The following RXFP1 variants were observed in gnomAD, a reference collection of about 807,000 sequenced individuals.
RXFP1 encodes relaxin family peptide receptor 1.
Under a neutral mutation model 89.8 loss-of-function variants are expected in RXFP1, and 73 were observed. The observed-to-expected ratio is 0.81, with a 90% CI of 0.67 to 0.99. RXFP1 has a LOEUF of 0.99. RXFP1 is among the 50% of genes least tolerant of loss of function. The pLI, the probability that RXFP1 is intolerant of heterozygous loss-of-function variation, is 0.00. For synonymous variants in RXFP1, 277 were observed against 305.5 expected (o/e 0.91, Z 0.97); for missense variants, 793 against 895.5 (o/e 0.89, Z 1.46).
chr4:158,581,764 T>G (rs2150030629), intron 2 of RXFP1, among the ~76,000 whole-genome samples: 1 of 152,314 alleles, frequency 6.6e-6, no homozygotes, highest in South Asian at 2.1e-4. Context: ...GGATGTCTGT[T>G]TTGCCTTGTT....
intron 11 of RXFP1, 129 bp from the exon 12 acceptor site, chr4:158,633,276 A>T: frequency 1.7e-6 from 1 of 588,146 alleles, no homozygotes; most frequent in South Asian, 2.3e-5. Context: ...AAATTTTTAG[A>T]CTTCTGGTGA....
rs532791218 is a variant in RXFP1 at position 158,617,504 on chromosome 4, C to G, written c.755+299C>G. Reference sequence around the variant, plus strand: ...TGTCACCACATCTATGTAACATCTCCCCCTTTCCCTGCTGGTATACTCACC... The same window carrying G: ...TGTCACCACATCTATGTAACATCTCGCCCTTTCCCTGCTGGTATACTCACC... On this transcript the variant is annotated intron_variant, in intron 9 of 17. Coordinates refer to ENST00000307765, the MANE Select transcript of RXFP1 (RefSeq NM_021634.4). Among the ~76,000 whole-genome samples, 394 of 151,704 alleles carry G rather than the reference C, an allele frequency of 2.6e-3. 1 individual carries two copies. Among genetic ancestry groups the G allele is most frequent in the African/African-American group, 9.2e-3 (383 of 41,416 alleles).
Position 158,644,175 on chromosome 4 carries a change from T to C in RXFP1, c.1116-734T>C, listed in dbSNP as rs866344621. Among the ~76,000 whole-genome samples, 17 of 151,388 alleles carry C rather than the reference T, an allele frequency of 1.1e-4. 1 individual carries two copies. Among genetic ancestry groups the C allele is most frequent in the Admixed American group, 5.3e-4 (8 of 15,128 alleles). ...CATTCTCCTGCCTCAGCCTCCCGAG[T>C]AGCTGGGACTACAGGAGCCCGCCAC... is the stretch of plus-strand genomic sequence containing the variant. On this transcript the variant is annotated intron_variant, in intron 14 of 17. Coordinates refer to ENST00000307765, the MANE Select transcript of RXFP1 (RefSeq NM_021634.4).
chr4:158,524,770 C>T lies in RXFP1; in HGVS notation c.49+2745C>T, dbSNP rs561648156. On this transcript the variant is annotated intron_variant, in intron 1 of 17. Transcript: ENST00000307765. ...CGTGGTTAAAAAACAATCCCCAGGACAACTTGTATTATAAGTTCTTATCAG... is the reference window on the plus strand; with the variant it reads ...CGTGGTTAAAAAACAATCCCCAGGATAACTTGTATTATAAGTTCTTATCAG... Among the ~76,000 whole-genome samples the T allele has an allele frequency of 2.0e-5, 3 of 152,264 alleles. No individual in the cohort carries two copies. In the East Asian group the frequency reaches 5.8e-4, roughly 29 times the overall value.
intron 2 of RXFP1, among the ~76,000 whole-genome samples, chr4:158,581,369 C>T (rs1757326018): frequency 6.6e-6 from 1 of 152,116 alleles, no homozygotes; most frequent in South Asian, 2.1e-4. Context: ...ATACCAAATG[C>T]TTGGCTTGTT....
intron 1 of RXFP1, among the ~76,000 whole-genome samples, chr4:158,530,818 A>ACC (rs1743841455): frequency 6.6e-6 from 1 of 152,100 alleles, no homozygotes; most frequent in Admixed American, 6.6e-5. Context: ...TTCTTTGTTG[A>ACC]TATTTTCTCA....
At chr4:158,636,537 T>C (rs1387671120) in intron 12 of RXFP1, among the ~76,000 whole-genome samples, 1 of 152,198 alleles carries the variant, frequency 6.6e-6, no homozygotes, top group Non-Finnish European at 1.5e-5. Context: ...TACCACAAGC[T>C]GGGCACTGTT....
chr4:158,568,995 T>G (rs534700499), intron 1 of RXFP1, among the ~76,000 whole-genome samples: 10 of 152,336 alleles, frequency 6.6e-5, no homozygotes, highest in Non-Finnish European at 1.2e-4. Flanking sequence ...TTGGTAAGGA[T>G]AATGGGAGCA....
intron 1 of RXFP1, among the ~76,000 whole-genome samples, chr4:158,524,752 A>C (rs1262940627): frequency 6.6e-6 from 1 of 152,232 alleles, no homozygotes; most frequent in East Asian, 1.9e-4. Context: ...ATCCGTGGTT[A>C]AAAAACAATC....
chr4:158,635,162 C>T (rs1051996347), intron 12 of RXFP1, among the ~76,000 whole-genome samples: 1 of 152,082 alleles, frequency 6.6e-6, no homozygotes, highest in Non-Finnish European at 1.5e-5. Context: ...GTGAACATAG[C>T]ATGTCTTTCC....
chr4:158,528,810 G>A (rs1184473688), intron 1 of RXFP1, among the ~76,000 whole-genome samples: 1 of 152,214 alleles, frequency 6.6e-6, no homozygotes, highest in Non-Finnish European at 1.5e-5. Flanking sequence ...CACTTCTAGT[G>A]TCCAGAGAAA....
chr4:158,542,109 A>ATATATATATATATATTTTTTTTTT, intron 1 of RXFP1, among the ~76,000 whole-genome samples: 1 of 35,240 alleles, frequency 2.8e-5, no homozygotes, highest in African/African-American at 9.3e-5. Flanking sequence ...ATATATATAT[A>ATATATATATATATATTTTTTTTTT]TTTTTTTTTT....
chr4:158,551,599 T>C (rs1750139376), intron 1 of RXFP1, among the ~76,000 whole-genome samples: 1 of 152,272 alleles, frequency 6.6e-6, no homozygotes, highest in East Asian at 1.9e-4. Flanking sequence ...AAAAACCACA[T>C]TGTACACCAT....
chr4:158,521,990 C>A lies in RXFP1; in HGVS notation c.14C>A (p.Ser5Tyr), dbSNP rs1401860879. Residue 5 changes from serine to tyrosine, a missense_variant, in exon 1 of 18, where the codon TCT becomes TAT. Coordinates refer to ENST00000307765, the MANE Select transcript of RXFP1 (RefSeq NM_021634.4). ...AGATAGAAGGAAATGACATCTGGTT[C>A]TGTCTTCTTCTACATCTTAATTTTT... MTSG[S>Y]VFFYILIFGK... is the part of the protein sequence containing the mutation. 2 of 1,608,490 alleles carry A rather than the reference C, an allele frequency of 1.2e-6. No individual in the cohort carries two copies. Among genetic ancestry groups the A allele is most frequent in the Non-Finnish European group, 1.7e-6 (2 of 1,176,022 alleles).
chr4:158,648,352 TGTGAAGAAAAAACCC>T (rs1771975228), intron 16 of RXFP1, 132 bp from the exon 17 acceptor site: 2 of 506,086 alleles, frequency 4.0e-6, no homozygotes, highest in East Asian at 6.7e-5. Context: ...AGTAATTCTT[TGTGAAGAAAAAACCC>T]ACACATTATA....
At chr4:158,623,342 C>CAAAA (rs35034196) in intron 9 of RXFP1, among the ~76,000 whole-genome samples, 5,108 of 106,214 alleles carry the variant, frequency 0.048, 205 homozygotes, top group Admixed American at 0.15. Context: ...CTACTAAATA[C>CAAAA]AAAAAAAAAA....
chr4:158,543,537 C>T (rs184841527), intron 1 of RXFP1, among the ~76,000 whole-genome samples: 13 of 152,282 alleles, frequency 8.5e-5, no homozygotes, highest in African/African-American at 3.1e-4. Flanking sequence ...GTGCAGAACA[C>T]AGTGTCTCCA....
chr4:158,631,874 C>G (rs753296797), intron 11 of RXFP1, among the ~76,000 whole-genome samples: 1 of 152,158 alleles, frequency 6.6e-6, no homozygotes, highest in Non-Finnish European at 1.5e-5. Context: ...GGGATGATCA[C>G]TTGTGCCCAG....
At chr4:158,606,905 C>A in intron 5 of RXFP1, 1 of 676,034 alleles carries the variant, frequency 1.5e-6, no homozygotes, top group Non-Finnish European at 2.6e-6. Flanking sequence ...AATAACATTT[C>A]ACAATCAAAG....
Sources: gnomAD v4.1 joint callset for allele counts (sites outside exome capture counted in the v4.1 genomes callset) on GRCh38, gnomAD v4.1.1 for gene constraint, MANE v1.5 for transcripts, NCBI Gene and HGNC (gene_info 2026-07-23, HGNC 2026-07-21) for gene names.